RARB: variants seen among roughly 807,000 people sequenced by gnomAD.
RARB encodes the protein retinoic acid receptor beta.
Under a neutral mutation model 51.9 loss-of-function variants are expected in RARB, and 17 were observed. The ratio of observed to expected loss-of-function variants is 0.33; its 90% CI spans 0.22 to 0.49. The LOEUF is 0.49. Among genes scored for constraint, RARB ranks in the 20% least tolerant of loss-of-function variants. RARB has a pLI of 0.99. For synonymous variants in RARB, 215 were observed against 195.4 expected, an observed-to-expected ratio of 1.10 and a Z score of -0.84; for missense variants, 369 against 550.8, an observed-to-expected ratio of 0.67 and a Z score of 3.30.
chr3:25,417,917 C>T (rs1240657474), intron 5 of RARB, among the ~76,000 whole-genome samples: 1 of 151,992 alleles, frequency 6.6e-6, no homozygotes, highest in East Asian at 1.9e-4. Context: ...GCCAGTACTC[C>T]ACATGGACAT....
intron 5 of RARB, among the ~76,000 whole-genome samples, chr3:25,405,154 G>T (rs1321385962): frequency 6.6e-6 from 1 of 152,112 alleles, no homozygotes; most frequent in East Asian, 1.9e-4. Context: ...CCGGAGCAGA[G>T]GCCTAGCATT....
At chr3:25,146,965 T>A (rs1700203809) in intron 4 of RARB, among the ~76,000 whole-genome samples, 1 of 152,138 alleles carries the variant, frequency 6.6e-6, no homozygotes, top group Non-Finnish European at 1.5e-5. Flanking sequence ...CAGAAATGTT[T>A]TTAACACTAT....
intron 5 of RARB, among the ~76,000 whole-genome samples, chr3:25,386,914 A>G (rs1295685864): frequency 6.6e-6 from 1 of 152,192 alleles, no homozygotes; most frequent in East Asian, 1.9e-4. Flanking sequence ...AAAGCCTGAA[A>G]TTTCATTCTG....
intron 5 of RARB, among the ~76,000 whole-genome samples, chr3:25,330,880 C>A (rs1239731057): frequency 6.6e-6 from 1 of 152,154 alleles, no homozygotes; most frequent in East Asian, 1.9e-4. Flanking sequence ...TAATCCTAGT[C>A]TCTGATAAAA....
intron 1 of RARB, among the ~76,000 whole-genome samples, chr3:24,838,170 T>TCAGCAA (rs1702368369): frequency 6.6e-6 from 1 of 152,188 alleles, no homozygotes; most frequent in South Asian, 2.1e-4. Flanking sequence ...TTCTTCAAAG[T>TCAGCAA]CAGCAACAGT....
intron 5 of RARB, among the ~76,000 whole-genome samples, chr3:25,407,400 T>C (rs575245565): frequency 6.6e-6 from 1 of 152,208 alleles, no homozygotes. Flanking sequence ...AATCCTTACC[T>C]TGAATGATGC....
At chr3:25,494,303 G>T (rs375961728) in intron 2 of RARB, among the ~76,000 whole-genome samples, 20 of 98,352 alleles carry the variant, frequency 2.0e-4, no homozygotes, top group African/African-American at 1.1e-3. Context: ...ATCTCTGCCA[G>T]CCTGGACCAC....
intron 2 of RARB, among the ~76,000 whole-genome samples, chr3:25,014,073 T>G (rs935430014): frequency 6.6e-6 from 1 of 152,102 alleles, no homozygotes; most frequent in Non-Finnish European, 1.5e-5. Flanking sequence ...ACTCAAAACT[T>G]ACCTCCTTAT....
intron 2 of RARB, among the ~76,000 whole-genome samples, chr3:25,010,304 C>G (rs551324506): frequency 6.6e-6 from 1 of 152,100 alleles, no homozygotes; most frequent in South Asian, 2.1e-4. Flanking sequence ...TAAACTAGTA[C>G]AAATTATAAG....
chr3:25,466,264 T>C (rs1695426838), intron 2 of RARB, among the ~76,000 whole-genome samples: 1 of 152,236 alleles, frequency 6.6e-6, no homozygotes, highest in South Asian at 2.1e-4. Context: ...CTAGGCTCAC[T>C]GCAACCTCTG....
intron 3 of RARB, among the ~76,000 whole-genome samples, chr3:25,096,321 G>A (rs1699291589): frequency 1.3e-5 from 2 of 152,094 alleles, no homozygotes; most frequent in African/African-American, 4.8e-5. Context: ...AACTTGTATG[G>A]TGCCTCAAGA....
At chr3:25,081,911 G>A (rs1699013775) in intron 3 of RARB, among the ~76,000 whole-genome samples, 1 of 151,650 alleles carries the variant, frequency 6.6e-6, no homozygotes, top group Admixed American at 6.6e-5. Context: ...GGGATTACAG[G>A]CGTGAGCCAC....
At chr3:25,197,764 G>T (rs547102137) in intron 5 of RARB, among the ~76,000 whole-genome samples, 152 of 151,904 alleles carry the variant, frequency 1.0e-3, no homozygotes, top group African/African-American at 3.3e-3. Context: ...AAAAATGGAT[G>T]TAATAAGTTG....
intron 2 of RARB, among the ~76,000 whole-genome samples, chr3:25,041,730 A>G (rs1347134619): frequency 1.3e-5 from 2 of 152,112 alleles, no homozygotes; most frequent in Non-Finnish European, 2.9e-5. Context: ...TCCTCCCCTA[A>G]TGCCAACTAG....
chr3:24,971,872 T>C (rs1330255408), intron 2 of RARB, among the ~76,000 whole-genome samples: 1 of 151,844 alleles, frequency 6.6e-6, no homozygotes, highest in Non-Finnish European at 1.5e-5. Context: ...TGAATAAATA[T>C]TTTTATTTTT....
chr3:25,012,214 G>C (rs561333300), intron 2 of RARB, among the ~76,000 whole-genome samples: 1 of 152,176 alleles, frequency 6.6e-6, no homozygotes, highest in South Asian at 2.1e-4. Flanking sequence ...TGATGCATAT[G>C]TTAAATGTTC....
chr3:25,125,495 A>G (rs1699847006), intron 3 of RARB, among the ~76,000 whole-genome samples: 1 of 152,188 alleles, frequency 6.6e-6, no homozygotes, highest in Non-Finnish European at 1.5e-5. Context: ...ATGAAGGAAT[A>G]ACCAGGGCAA....
Position 25,034,143 on chromosome 3 carries a change from C to G in RARB, c.-379-25982C>G, listed in dbSNP as rs1205843307. On this transcript the variant is annotated intron_variant, in intron 2 of 11. Transcript: ENST00000383772. The stretch of plus-strand genomic sequence containing the variant: ...TGGCCAACATGGTGAAACCCCGTCT[C>G]TACTAAAAATACAAAAATTAGCTGG... Among the ~76,000 whole-genome samples, 6 of 152,126 alleles carry G rather than the reference C, an allele frequency of 3.9e-5. No individual in the cohort carries two copies. In the East Asian group the frequency reaches 1.2e-3, roughly 29 times the overall value.
At chr3:25,038,486 C>G (rs1005323093) in intron 2 of RARB, among the ~76,000 whole-genome samples, 1 of 152,138 alleles carries the variant, frequency 6.6e-6, no homozygotes, top group African/African-American at 2.4e-5. Context: ...GACCCCCACA[C>G]ATTGTTAGAG....
Sources: gnomAD v4.1 joint callset for allele counts (sites outside exome capture counted in the v4.1 genomes callset) on GRCh38, gnomAD v4.1.1 for gene constraint, MANE v1.5 for transcripts, NCBI Gene and HGNC (gene_info 2026-07-23, HGNC 2026-07-21) for gene names.